SEMA3E: variants seen among roughly 807,000 people sequenced by gnomAD.
SEMA3E encodes semaphorin 3E, also known as semaphorin-3E.
Under a neutral mutation model 93.6 loss-of-function variants are expected in SEMA3E, and 49 were observed. The ratio of observed to expected loss-of-function variants is 0.52; its 90% confidence interval spans 0.42 to 0.66. The LOEUF (loss-of-function observed/expected upper bound fraction) is 0.66, where lower values mean the gene tolerates loss of function less well. Among genes scored for constraint, SEMA3E ranks in the 30% least tolerant of loss-of-function variants. SEMA3E has a pLI of 0.00. For missense variants in SEMA3E, 906 were observed against 964.8 expected (o/e 0.94, Z 0.81); for synonymous variants, 363 against 330.7 (o/e 1.10, Z -1.06).
rs573988016 is a variant in SEMA3E, at chr7:83,505,961, G to A, written c.116-15687C>T. Among the ~76,000 whole-genome samples the A allele has an allele frequency of 6.9e-4, 100 of 145,478 alleles. 2 individuals are homozygous for A. The highest frequency in any genetic ancestry group is 2.4e-3 in the African/African-American group (96 of 39,276). On this transcript the variant is annotated intron_variant, in intron 1 of 16. Transcript: ENST00000643230. Reference sequence around the variant, plus strand: ...ACCTGGGAAGCGGAGCTTGCAATGAGCTGAGATGGCACCACTGCACTCCAG... The same window carrying A: ...ACCTGGGAAGCGGAGCTTGCAATGAACTGAGATGGCACCACTGCACTCCAG...
At chr7:83,399,284 A>C (rs1584220896) in intron 11 of SEMA3E, among the ~76,000 whole-genome samples, 1 of 152,200 alleles carries the variant, frequency 6.6e-6, no homozygotes, top group East Asian at 1.9e-4. Flanking sequence ...GGAGGCTGAA[A>C]GATCTCAAGT....
chr7:83,643,786 C>T (rs567585443), intron 1 of SEMA3E, among the ~76,000 whole-genome samples: 4 of 152,010 alleles, frequency 2.6e-5, no homozygotes, highest in South Asian at 4.2e-4. Context: ...CTTAATAAAT[C>T]CACCACTTAA....
At chr7:83,519,755 C>T (rs75857011) in intron 1 of SEMA3E, among the ~76,000 whole-genome samples, 1,586 of 152,202 alleles carry the variant, frequency 0.01, 25 homozygotes, top group African/African-American at 0.034. Context: ...TATTTCTGTA[C>T]GCATAGAACC....
intron 16 of SEMA3E, among the ~76,000 whole-genome samples, chr7:83,374,098 C>A (rs142140201): frequency 1.0e-4 from 15 of 149,192 alleles, no homozygotes; most frequent in Admixed American, 2.0e-4. Context: ...CCCAGCTACT[C>A]GGGAGGCTGA....
Position 83,624,699 on chromosome 7 carries a change from A to C in SEMA3E, c.115+23729T>G, listed in dbSNP as rs563034989. ...TGCCTGTTCACTCTGATGATAGTTT[A>C]TTTTGCTGTGCAGAAGCTCTTTAGT... On this transcript the variant is annotated intron_variant, in intron 1 of 16. Coordinates refer to ENST00000643230, the MANE Select transcript of SEMA3E (RefSeq NM_012431.3). 2.4e-3 allele frequency among the ~76,000 whole-genome samples: 358 copies of C among 151,898 alleles called. 2 individuals are homozygous for C. The highest frequency in any genetic ancestry group is 8.4e-3 in the African/African-American group (346 of 41,434).
intron 14 of SEMA3E, among the ~76,000 whole-genome samples, chr7:83,388,788 C>T (rs1787934739): frequency 6.9e-6 from 1 of 145,730 alleles, no homozygotes; most frequent in African/African-American, 2.5e-5. Flanking sequence ...GGCAAAATGA[C>T]ACCTAAAATC....
intron 1 of SEMA3E, among the ~76,000 whole-genome samples, chr7:83,556,740 T>C (rs1312299386): frequency 2.6e-5 from 4 of 152,172 alleles, no homozygotes; most frequent in South Asian, 2.1e-4. Flanking sequence ...AAAACTTACG[T>C]TGAAACTTAA....
intron 1 of SEMA3E, 51 bp from the exon 2 acceptor site, chr7:83,490,325 C>G (rs10272904): frequency 6.4e-7 from 1 of 1,562,318 alleles, no homozygotes; most frequent in Non-Finnish European, 8.7e-7. Flanking sequence ...ATGTAAATAC[C>G]TTTATCACCC....
Position 83,608,105 on chromosome 7 carries a change from C to T in SEMA3E, c.115+40323G>A, listed in dbSNP as rs567361272. ...CATGCACCTGTCAATCCTAGACACT[C>T]GGGAGGCTGAGGCAGGAGAAGTACT... On this transcript the variant is annotated intron_variant, in intron 1 of 16. Coordinates refer to ENST00000643230, the MANE Select transcript of SEMA3E (RefSeq NM_012431.3). Among the ~76,000 whole-genome samples, 11 of 151,874 alleles carry T rather than the reference C, an allele frequency of 7.2e-5. No homozygotes were observed. In the South Asian group the frequency reaches 2.1e-3, roughly 29 times the overall value.
intron 1 of SEMA3E, among the ~76,000 whole-genome samples, chr7:83,610,306 A>G (rs955336651): frequency 1.3e-5 from 2 of 152,112 alleles, no homozygotes; most frequent in African/African-American, 4.8e-5. Flanking sequence ...ATGTGTGTGC[A>G]TACTGAGTAA....
chr7:83,599,571 C>G (rs1007405056), intron 1 of SEMA3E, among the ~76,000 whole-genome samples: 6 of 152,136 alleles, frequency 3.9e-5, no homozygotes, highest in African/African-American at 1.4e-4. Context: ...AATAGTTATA[C>G]TCAAGATGAA....
chr7:83,452,049 T>C (rs114106996), intron 4 of SEMA3E, among the ~76,000 whole-genome samples: 467 of 152,312 alleles, frequency 3.1e-3, no homozygotes, highest in African/African-American at 0.011. Context: ...TTAAATACAT[T>C]ATGGTTTATT....
chr7:83,458,736 T>TA (rs1328917339), intron 4 of SEMA3E, among the ~76,000 whole-genome samples: 1 of 151,804 alleles, frequency 6.6e-6, no homozygotes, highest in Non-Finnish European at 1.5e-5. Context: ...AATTTGAATA[T>TA]AAATCAATAG....
rs562724171 is a variant in SEMA3E at position 83,536,026 on chromosome 7, A to G, written c.116-45752T>C. Among the ~76,000 whole-genome samples the G allele has an allele frequency of 9.8e-5, 15 of 152,296 alleles. No individual in the cohort carries two copies. The South Asian group carries it at 2.7e-3, about 27-fold the overall frequency. ...TTTGAATTTGCCTCTATATACACCA[A>G]TGATGGAATCTGCTGTTTTTGTGAA... On this transcript the variant is annotated intron_variant, in intron 1 of 16. Coordinates refer to ENST00000643230, the MANE Select transcript of SEMA3E (RefSeq NM_012431.3).
intron 4 of SEMA3E, among the ~76,000 whole-genome samples, chr7:83,463,533 C>T (rs1446392670): frequency 1.3e-5 from 2 of 152,298 alleles, no homozygotes; most frequent in Non-Finnish European, 2.9e-5. Flanking sequence ...CCACATTATT[C>T]CTGATACCAC....
intron 4 of SEMA3E, among the ~76,000 whole-genome samples, chr7:83,441,193 T>G (rs530827393): frequency 6.6e-6 from 1 of 152,292 alleles, no homozygotes; most frequent in African/African-American, 2.4e-5. Flanking sequence ...GCCAAAAGGA[T>G]TCTGCTACTG....
chr7:83,505,270 A>C (rs1484595740), intron 1 of SEMA3E, among the ~76,000 whole-genome samples: 1 of 152,164 alleles, frequency 6.6e-6, no homozygotes, highest in Non-Finnish European at 1.5e-5. Context: ...CTTATGTTAC[A>C]AACCCAATCA....
At chr7:83,494,253 CA>C (rs1049961954) in intron 1 of SEMA3E, among the ~76,000 whole-genome samples, 2 of 150,126 alleles carry the variant, frequency 1.3e-5, no homozygotes, top group Admixed American at 1.3e-4. Flanking sequence ...TCAGCCTTCC[CA>C]AAATCCAAAG....
chr7:83,479,721 T>C (rs10270844), intron 2 of SEMA3E, among the ~76,000 whole-genome samples: 87,048 of 152,028 alleles, frequency 0.57, 26,010 homozygotes, highest in African/African-American at 0.74. Flanking sequence ...CTAATTTGCC[T>C]GGAATCTCTC....
Sources: gnomAD v4.1 joint callset for allele counts (sites outside exome capture counted in the v4.1 genomes callset) on GRCh38, gnomAD v4.1.1 for gene constraint, MANE v1.5 for transcripts, NCBI Gene and HGNC (gene_info 2026-07-23, HGNC 2026-07-21) for gene names.